The following ABLIM2 variants were observed in gnomAD, a reference collection of about 807,000 sequenced individuals.
ABLIM2 encodes the protein actin-binding LIM protein 2.
In ABLIM2, 53 loss-of-function variants were observed where a neutral mutation model predicts 97.7. The observed-to-expected ratio is 0.54, with a 90% CI of 0.44 to 0.68. The LOEUF (loss-of-function observed/expected upper bound fraction) is 0.68. Ranked by LOEUF, ABLIM2 falls within the 30% of genes least tolerant of loss-of-function variation. The pLI is 0.00. For synonymous variants in ABLIM2, 361 were observed against 345.8 expected (o/e 1.04, Z -0.49); for missense variants, 835 against 867.2 (o/e 0.96, Z 0.47).
At chr4:8,086,329 C>A (rs1320216397) in intron 4 of ABLIM2, among the ~76,000 whole-genome samples, 13 of 145,496 alleles carry the variant, frequency 8.9e-5, no homozygotes, top group Non-Finnish European at 1.8e-4. Flanking sequence ...TGTGGTTGGT[C>A]ATATTTCCAT....
chr4:8,091,340 A>ATAATATATATATTATATATATT (rs1827536457), intron 3 of ABLIM2, among the ~76,000 whole-genome samples: 1 of 27,572 alleles, frequency 3.6e-5, no homozygotes, highest in Non-Finnish European at 6.3e-5. Context: ...TTATATATAT[A>ATAATATATATATTATATATATT]ATATATATAT....
chr4:8,115,896 C>T (rs986216553), intron 1 of ABLIM2, among the ~76,000 whole-genome samples: 12 of 152,294 alleles, frequency 7.9e-5, no homozygotes, highest in African/African-American at 2.4e-4. Flanking sequence ...TCTGGGAACC[C>T]GGCGGCCATG....
rs1238884952 is a variant in ABLIM2 at position 8,091,409 on chromosome 4, A to AATTATAT, written c.339-3132_339-3126dup. Among the ~76,000 whole-genome samples, 13 of 57,988 alleles carry AATTATAT rather than the reference A, an allele frequency of 2.2e-4. 1 individual carries two copies. Among genetic ancestry groups the AATTATAT allele is most frequent in the South Asian group, 1.7e-3 (4 of 2,358 alleles). 38.0% of individuals were successfully genotyped at this position (57,988 alleles called of 152,430 possible). A position where few individuals can be genotyped will look rare whatever the true frequency, so the allele number is the denominator to read the frequency against. ...TTATATATAATTATATGTAATATAT[A>AATTATAT]ATTATATATTATATATTATATATAA... On this transcript the variant is annotated intron_variant, in intron 3 of 20. Coordinates refer to ENST00000447017, the MANE Select transcript of ABLIM2 (RefSeq NM_001130083.2).
intron 8 of ABLIM2, among the ~76,000 whole-genome samples, chr4:8,052,613 G>A (rs372566529): frequency 3.9e-5 from 6 of 152,236 alleles, no homozygotes; most frequent in Admixed American, 6.5e-5. Context: ...GGACACAGGT[G>A]GGAAGCCAGG....
intron 2 of ABLIM2, among the ~76,000 whole-genome samples, chr4:8,100,905 T>C (rs10938688): frequency 0.57 from 86,670 of 152,040 alleles, 26,359 homozygotes; most frequent in South Asian, 0.72. Flanking sequence ...TGGGAGGATA[T>C]TGACATGAAT....
Position 7,998,524 on chromosome 4 carries a change from C to T in ABLIM2, c.1619-5597G>A, listed in dbSNP as rs527319534. ...ATGCCCTTCTTGGGGTGTCCTGTGT[C>T]GCTGGGTGGGGGTGGGAGATGCCTG... On this transcript the variant is annotated intron_variant, in intron 16 of 20. Transcript: ENST00000447017. This position sits in a 1 kb window ranked among gnomAD's most constrained non-coding sequence, Gnocchi z 6.4. 1.4e-5 allele frequency: 6 copies of T among 444,364 alleles called. No homozygotes were observed. Among genetic ancestry groups the T allele is most frequent in the East Asian group, 1.4e-4 (2 of 14,040 alleles). The allele number at this position is 444,364 out of a possible 1,614,324, so 27.5% of individuals were successfully genotyped here.
At chr4:8,152,715 C>G (rs985279650) in intron 1 of ABLIM2, among the ~76,000 whole-genome samples, 1 of 152,244 alleles carries the variant, frequency 6.6e-6, no homozygotes, top group Admixed American at 6.5e-5. Flanking sequence ...CAGCCTCAAG[C>G]ACTAGGAGCT....
At chr4:8,158,489 C>T (rs1716153197) in intron 1 of ABLIM2, among the ~76,000 whole-genome samples, 191 bp downstream of exon 1, 1 of 152,074 alleles carries the variant, frequency 6.6e-6, no homozygotes, top group African/African-American at 2.4e-5. Flanking sequence ...CACTGAGCTA[C>T]GCGCTCCGGG....
chr4:8,056,167 T>C (rs187777431), intron 7 of ABLIM2, among the ~76,000 whole-genome samples: 2 of 146,916 alleles, frequency 1.4e-5, no homozygotes, highest in Admixed American at 6.8e-5. Flanking sequence ...TTAAAAATTA[T>C]AGAAACCTTA....
chr4:8,127,333 T>C lies in ABLIM2; in HGVS notation c.11-20696A>G, dbSNP rs142283687. On this transcript the variant is annotated intron_variant, in intron 1 of 20. Transcript: ENST00000447017. This position sits in a 1 kb window ranked among gnomAD's most constrained non-coding sequence, Gnocchi z 7.3. ...CCTCCTCACCCCACAGTGCTGTCCA[T>C]AGAGAGTGTCCCCGAAGCCTGCACC... is the stretch of plus-strand genomic sequence containing the variant. Among the ~76,000 whole-genome samples the C allele has an allele frequency of 7.2e-5, 11 of 152,234 alleles. No homozygotes were observed. In the East Asian group the frequency reaches 1.5e-3, roughly 21 times the overall value.
rs1249389712 is a variant in ABLIM2, at chr4:8,120,559, G to T, written c.11-13922C>A. Among the ~76,000 whole-genome samples, 2 of 152,196 alleles carry T rather than the reference G, an allele frequency of 1.3e-5. No individual in the cohort carries two copies. The highest frequency in any genetic ancestry group is 4.8e-5 in the African/African-American group (2 of 41,444). On this transcript the variant is annotated intron_variant, in intron 1 of 20. Transcript: ENST00000447017. This position sits in a 1 kb window ranked among gnomAD's most constrained non-coding sequence, Gnocchi z 5.6. ...GGACGGGTCCTTCCTTGCAGCCTCAGAAGGAGCCAGCCCTGCCCGCACCTT... is the reference window on the plus strand; with the variant it reads ...GGACGGGTCCTTCCTTGCAGCCTCATAAGGAGCCAGCCCTGCCCGCACCTT...
intron 8 of ABLIM2, among the ~76,000 whole-genome samples, chr4:8,051,201 C>A (rs529468705): frequency 6.6e-6 from 1 of 152,214 alleles, no homozygotes; most frequent in African/African-American, 2.4e-5. Flanking sequence ...GCTGTGGCCG[C>A]GGAGCTCCCT....
rs1846413978 is a variant in ABLIM2, at chr4:8,123,514, G to A, written c.11-16877C>T. The stretch of plus-strand genomic sequence containing the variant: ...CTGATTCAAGGGAGGCTGGTGTGAG[G>A]GAAGCATTTCCGGCATGTCTAATTA... On this transcript the variant is annotated intron_variant, in intron 1 of 20. Coordinates refer to ENST00000447017, the MANE Select transcript of ABLIM2 (RefSeq NM_001130083.2). This position sits in a 1 kb window ranked among gnomAD's most constrained non-coding sequence, Gnocchi z 6.2. 6.6e-6 allele frequency among the ~76,000 whole-genome samples: 1 copy of A among 152,314 alleles called. No individual in the cohort carries two copies. Among genetic ancestry groups the A allele is most frequent in the South Asian group, 2.1e-4 (1 of 4,828 alleles).
At chr4:7,984,807 C>T (rs986499226) in intron 18 of ABLIM2, 32 bp downstream of exon 18, 2 of 1,564,188 alleles carry the variant, frequency 1.3e-6, no homozygotes, top group African/African-American at 2.7e-5. Flanking sequence ...CCTGCCCCAG[C>T]CAGAGACCCA....
At chr4:8,152,850 A>G (rs1713530701) in intron 1 of ABLIM2, among the ~76,000 whole-genome samples, 1 of 152,150 alleles carries the variant, frequency 6.6e-6, no homozygotes, top group Non-Finnish European at 1.5e-5. Context: ...GACTCTGGGG[A>G]GGGGCAGCAA....
At chr4:8,063,907 C>T (rs567825174) in intron 6 of ABLIM2, among the ~76,000 whole-genome samples, 2 of 152,354 alleles carry the variant, frequency 1.3e-5, no homozygotes, top group South Asian at 2.1e-4. Flanking sequence ...ACATTCCTTT[C>T]GTTACCAGGG....
intron 5 of ABLIM2, among the ~76,000 whole-genome samples, chr4:8,078,362 G>C (rs1316012410): frequency 1.3e-5 from 2 of 152,250 alleles, no homozygotes. Flanking sequence ...CGGCCTGCCT[G>C]CTATGTGCCA....
At chr4:8,030,778 C>G (rs934040912) in intron 10 of ABLIM2, among the ~76,000 whole-genome samples, 1 of 152,264 alleles carries the variant, frequency 6.6e-6, no homozygotes, top group African/African-American at 2.4e-5. Flanking sequence ...CCTTGTTCAG[C>G]TTGGACTCAG....
At position 8,097,248 on chromosome 4, in the gene ABLIM2, G is replaced by T. The variant is rs772068885; in HGVS notation, c.189C>A (p.Phe63Leu). The T allele has an allele frequency of 6.4e-7, 1 of 1,571,986 alleles. No individual in the cohort carries two copies. Among genetic ancestry groups the T allele is most frequent in the Non-Finnish European group, 8.6e-7 (1 of 1,159,722 alleles). The change falls in exon 3 of 21, where the codon TTC becomes TTA. Residue 63 changes from phenylalanine to leucine, a missense_variant. Physicochemically the swap from Phe to Leu is conservative, Grantham distance 22. Transcript: ENST00000447017. ...TGCAGATGTACTCGCCCTGCCGCAC[G>T]AAGAAGCCGCCCTCGGCCAGGTCGC... ...CGCDLAEGGF[F>L]VRQGEYICTL...
Sources: allele counts gnomAD v4.1 joint callset (sites outside exome capture counted in the v4.1 genomes callset), GRCh38; gene constraint gnomAD v4.1.1; non-coding constraint Gnocchi (gnomAD v3.1); transcripts MANE v1.5; gene names NCBI Gene and HGNC (gene_info 2026-07-23, HGNC 2026-07-21).